NDE1: variants seen among roughly 807,000 people sequenced by gnomAD.
NDE1 encodes the protein nuclear distribution protein nudE homolog 1.
NDE1 carries 28 observed loss-of-function variants against 43.4 expected under a neutral mutation model. The observed-to-expected ratio is 0.65, with a 90% confidence interval of 0.48 to 0.89. The LOEUF is 0.89. NDE1 is among the 40% of genes least tolerant of loss of function. The probability of loss-of-function intolerance (pLI) is 0.00; values close to 1 mark genes in which losing one functional copy is unlikely to be tolerated. For missense variants in NDE1, 441 were observed against 434.1 expected (o/e 1.02, Z -0.14); for synonymous variants, 184 against 172.0 (o/e 1.07, Z -0.55).
At position 15,668,602 on chromosome 16, in the gene NDE1, A is replaced by G. The variant is rs112456247; in HGVS notation, c.237+1163A>G. 6.4e-3 allele frequency among the ~76,000 whole-genome samples: 969 copies of G among 152,284 alleles called. 11 individuals are homozygous for G. The highest frequency in any genetic ancestry group is 0.022 in the African/African-American group (904 of 41,570). On this transcript the variant is annotated intron_variant, in intron 3 of 8. Coordinates refer to ENST00000396354, the MANE Select transcript of NDE1 (RefSeq NM_017668.3). Reference sequence around the variant, plus strand: ...AGGGTATGGAGGTGTTGCTAGAGTAATATCATCAGGTCCAATATTGTAGCC... The same window carrying G: ...AGGGTATGGAGGTGTTGCTAGAGTAGTATCATCAGGTCCAATATTGTAGCC...
intron 8 of NDE1, chr16:15,719,303 G>C: frequency 6.2e-7 from 1 of 1,610,948 alleles, no homozygotes; most frequent in Non-Finnish European, 8.5e-7. Context: ...CAGCGGCGGC[G>C]AGGTCCTAGG....
chr16:15,721,555 T>G, intron 8 of NDE1: 1 of 1,614,224 alleles, frequency 6.2e-7, no homozygotes, highest in Non-Finnish European at 8.5e-7. Context: ...GGCCTTGGTT[T>G]CCTTCTCCCT....
intron 1 of NDE1, among the ~76,000 whole-genome samples, chr16:15,653,686 C>T (rs1298400439): frequency 2.7e-5 from 4 of 146,492 alleles, no homozygotes; most frequent in African/African-American, 5.1e-5. Context: ...TTTTTGTTAG[C>T]TTTAATCATG....
chr16:15,659,870 G>A (rs979931507), intron 1 of NDE1, among the ~76,000 whole-genome samples: 1 of 149,342 alleles, frequency 6.7e-6, no homozygotes, highest in Non-Finnish European at 1.5e-5. Flanking sequence ...TGCCTTAGCC[G>A]CCTGAGTAGC....
chr16:15,721,275 C>A, intron 8 of NDE1: 2 of 1,035,594 alleles, frequency 1.9e-6, no homozygotes, highest in Admixed American at 2.0e-5. Flanking sequence ...CCCCTCCCAG[C>A]CCCTGCACCA....
chr16:15,696,264 G>T (rs769540438), intron 7 of NDE1, among the ~76,000 whole-genome samples: 9 of 149,742 alleles, frequency 6.0e-5, no homozygotes, highest in Non-Finnish European at 1.2e-4. Context: ...AATTCCAGCT[G>T]CTCAGGAGGC....
chr16:15,656,323 A>T (rs935027239), intron 1 of NDE1, among the ~76,000 whole-genome samples: 1 of 151,982 alleles, frequency 6.6e-6, no homozygotes, highest in African/African-American at 2.4e-5. Context: ...AGGCTGTGAT[A>T]CAAATCCAGT....
At chr16:15,675,970 T>C (rs918707467) in intron 3 of NDE1, among the ~76,000 whole-genome samples, 2 of 152,092 alleles carry the variant, frequency 1.3e-5, no homozygotes, top group African/African-American at 4.8e-5. Flanking sequence ...TGAGACAACA[T>C]AGGTGGTGTA....
intron 1 of NDE1, among the ~76,000 whole-genome samples, chr16:15,660,606 C>T (rs1214916470): frequency 6.6e-6 from 1 of 152,096 alleles, no homozygotes; most frequent in South Asian, 2.1e-4. Flanking sequence ...CTCCAGAATT[C>T]CATCGCTTTC....
At chr16:15,665,056 A>G (rs1441905662) in intron 2 of NDE1, among the ~76,000 whole-genome samples, 195 bp downstream of exon 2, 13 of 150,024 alleles carry the variant, frequency 8.7e-5, no homozygotes, top group African/African-American at 3.2e-4. Context: ...TCATCAGGCC[A>G]GGCTTTTTTT....
chr16:15,696,524 A>C (rs973367962), intron 7 of NDE1, among the ~76,000 whole-genome samples, 185 bp from the exon 8 acceptor site: 1 of 152,080 alleles, frequency 6.6e-6, no homozygotes, highest in Non-Finnish European at 1.5e-5. Context: ...CCAGCTCCCA[A>C]ATACTTAAGG....
Position 15,696,664 on chromosome 16 carries a change from AGT to A in NDE1, c.796-44_796-43del, listed in dbSNP as rs2039027801. 3 of 1,613,968 alleles carry A rather than the reference AGT, an allele frequency of 1.9e-6. No homozygotes were observed. In the East Asian group the frequency reaches 6.7e-5, roughly 36 times the overall value. ...TGTACAGGCTCTGGTAAGACAGAAT[AGT>A]CCTTGCCTATAACTTGAGAGATAAA... On this transcript the variant is annotated intron_variant, in intron 7 of 8. Transcript: ENST00000396354.
At chr16:15,720,102 G>A (rs768929028) in intron 8 of NDE1, 1 of 1,612,768 alleles carries the variant, frequency 6.2e-7, no homozygotes, top group South Asian at 1.1e-5. Flanking sequence ...GGCCTGAGGG[G>A]AACTGTGCCC....
In NDE1 at chr16:15,721,178, G is replaced by A. The variant is rs981808945; in HGVS notation, c.948-3013G>A. ...TTGGCCTCCCACAGGATGCATGGCCGGGACTCAAGATGACCCCTGAGAGTT... is the reference window on the plus strand; with the variant it reads ...TTGGCCTCCCACAGGATGCATGGCCAGGACTCAAGATGACCCCTGAGAGTT... On this transcript the variant is annotated intron_variant, in intron 8 of 8. Transcript: ENST00000396354. The A allele has an allele frequency of 2.2e-5, 24 of 1,101,700 alleles. 1 individual carries two copies. Among genetic ancestry groups the A allele is most frequent in the Middle Eastern group, 4.9e-4 (2 of 4,074 alleles). The allele number at this position is 1,101,700 out of a possible 1,614,324, so 68.2% of individuals were successfully genotyped here. A position where few individuals can be genotyped will look rare whatever the true frequency, so the allele number is the denominator to read the frequency against.
intron 8 of NDE1, chr16:15,715,095 T>A: frequency 6.2e-7 from 1 of 1,611,908 alleles, no homozygotes. Context: ...TCGCGGAGAG[T>A]TGGAGGGGTG....
At chr16:15,714,820 G>A in intron 8 of NDE1, 1 of 1,497,884 alleles carries the variant, frequency 6.7e-7, no homozygotes, top group Non-Finnish European at 9.2e-7. Context: ...GTGGGCACAA[G>A]GGGCATTTGC....
At chr16:15,709,089 G>A (rs9746950) in intron 8 of NDE1, among the ~76,000 whole-genome samples, 3 of 149,932 alleles carry the variant, frequency 2.0e-5, no homozygotes, top group African/African-American at 7.4e-5. Flanking sequence ...ATTACAGGCA[G>A]GCCCCACGTG....
At chr16:15,692,902 A>G (rs2038822682) in intron 6 of NDE1, among the ~76,000 whole-genome samples, 1 of 151,744 alleles carries the variant, frequency 6.6e-6, no homozygotes, top group East Asian at 1.9e-4. Context: ...ATGCCTGGCT[A>G]TGTTTCCACA....
intron 1 of NDE1, among the ~76,000 whole-genome samples, chr16:15,660,830 A>G (rs2037006724): frequency 6.6e-6 from 1 of 152,056 alleles, no homozygotes; most frequent in African/African-American, 2.4e-5. Context: ...CCAGGACAGC[A>G]CAGTCTTCCT....
Sources: allele counts gnomAD v4.1 joint callset (sites outside exome capture counted in the v4.1 genomes callset), GRCh38; gene constraint gnomAD v4.1.1; transcripts MANE v1.5; gene names NCBI Gene and HGNC (gene_info 2026-07-23, HGNC 2026-07-21).